The following NEO1 variants were observed in gnomAD, a reference collection of about 807,000 sequenced individuals.
The protein encoded by NEO1 is neogenin 1, also known as neogenin.
Under a neutral mutation model 159.7 loss-of-function variants are expected in NEO1, and 63 were observed. That is an observed-to-expected ratio of 0.39 (90% CI 0.32 to 0.49). The LOEUF (loss-of-function observed/expected upper bound fraction) is 0.49. Among genes scored for constraint, NEO1 ranks in the 20% least tolerant of loss-of-function variants. The pLI, the probability that NEO1 is intolerant of heterozygous loss-of-function variation, is 0.85. For synonymous variants in NEO1, 633 were observed against 662.0 expected (o/e 0.96, Z 0.67); for missense variants, 1,615 against 1,831.0 (o/e 0.88, Z 2.15).
intron 2 of NEO1, among the ~76,000 whole-genome samples, chr15:73,117,415 A>T (rs1018884478): frequency 2.0e-5 from 3 of 152,168 alleles, no homozygotes; most frequent in Admixed American, 6.5e-5. Context: ...AAAATTAGGG[A>T]TCTTGAAGAG....
At chr15:73,077,748 A>G (rs1330165505) in intron 1 of NEO1, among the ~76,000 whole-genome samples, 5 of 152,094 alleles carry the variant, frequency 3.3e-5, no homozygotes, top group Admixed American at 1.3e-4. Context: ...ATGGCATATC[A>G]TACGTAAAAA....
At position 73,236,403 on chromosome 15, in the gene NEO1, G is replaced by C. The variant is rs2039174406; in HGVS notation, c.1348G>C (p.Val450Leu). 1 of 1,614,082 alleles carries C rather than the reference G, an allele frequency of 6.2e-7. No homozygotes were observed. Among genetic ancestry groups the C allele is most frequent in the Non-Finnish European group, 8.5e-7 (1 of 1,180,026 alleles). ...SAPRDVVASLVSTRFIKLTWR... is the reference protein window; with the variant it reads ...SAPRDVVASLLSTRFIKLTWR... ...TCCTCGGGATGTCGTGGCCTCCCTG[G>C]TCTCTACCCGCTTCATCAAATTGAC... is the stretch of plus-strand genomic sequence containing the variant. Residue 450 changes from valine to leucine, a missense_variant, in exon 8 of 29, where the codon GTC becomes CTC. Transcript: ENST00000261908.
At chr15:73,106,720 G>A (rs548107656) in intron 1 of NEO1, among the ~76,000 whole-genome samples, 3 of 152,256 alleles carry the variant, frequency 2.0e-5, no homozygotes, top group African/African-American at 7.2e-5. Flanking sequence ...CATTCTCTTT[G>A]TGGTGTAGTT....
chr15:73,139,251 T>G (rs2032137131), intron 5 of NEO1, among the ~76,000 whole-genome samples: 3 of 152,126 alleles, frequency 2.0e-5, no homozygotes, highest in Admixed American at 2.0e-4. Context: ...CTTATTGACG[T>G]TGGTCTTTGC....
intron 28 of NEO1, 106 bp from the exon 29 acceptor site, chr15:73,302,507 G>A: frequency 2.0e-6 from 2 of 978,234 alleles, no homozygotes; most frequent in Non-Finnish European, 3.1e-6. Context: ...CCAGTTTTCT[G>A]GGGCCATTTG....
chr15:73,255,767 A>T (rs553726332), intron 13 of NEO1: 1 of 152,346 alleles, frequency 6.6e-6, no homozygotes, highest in East Asian at 1.9e-4. Context: ...GAGTAAACTC[A>T]CATGGGCTGG....
At chr15:73,186,675 A>G (rs1348814490) in intron 7 of NEO1, among the ~76,000 whole-genome samples, 1 of 152,062 alleles carries the variant, frequency 6.6e-6, no homozygotes, top group Non-Finnish European at 1.5e-5. Context: ...TTAAATAGTC[A>G]TATCAGTATA....
chr15:73,236,903 A>T (rs1184184754), intron 8 of NEO1, among the ~76,000 whole-genome samples: 2 of 152,160 alleles, frequency 1.3e-5, no homozygotes, highest in Non-Finnish European at 2.9e-5. Flanking sequence ...CCTTGATGGA[A>T]TAAGAGTAGT....
At chr15:73,234,765 G>A (rs181191841) in intron 7 of NEO1, among the ~76,000 whole-genome samples, 1 of 152,258 alleles carries the variant, frequency 6.6e-6, no homozygotes, top group Non-Finnish European at 1.5e-5. Flanking sequence ...GAGAGAACAA[G>A]GCTCTCTTTT....
At chr15:73,186,587 T>C (rs911464423) in intron 7 of NEO1, among the ~76,000 whole-genome samples, 2 of 140,082 alleles carry the variant, frequency 1.4e-5, no homozygotes, top group East Asian at 2.2e-4. Flanking sequence ...TTTTTTCTTC[T>C]TTTTTTTTCA....
intron 18 of NEO1, 147 bp from the exon 19 acceptor site, chr15:73,272,308 A>C: frequency 1.7e-6 from 1 of 580,396 alleles, no homozygotes; most frequent in Non-Finnish European, 3.1e-6. Flanking sequence ...GGAACTTTTG[A>C]TAGACAAACT....
intron 1 of NEO1, among the ~76,000 whole-genome samples, chr15:73,056,742 TA>T (rs1334909246): frequency 6.6e-6 from 1 of 152,184 alleles, no homozygotes; most frequent in Non-Finnish European, 1.5e-5. Context: ...TCACATTACT[TA>T]GTTTCCAGAT....
intron 14 of NEO1, 127 bp from the exon 15 acceptor site, chr15:73,260,144 C>T (rs2040556293): frequency 6.1e-6 from 4 of 660,226 alleles, no homozygotes; most frequent in Non-Finnish European, 9.6e-6. Flanking sequence ...TTTTTGAACT[C>T]TTGGGCATAA....
chr15:73,276,331 A>G (rs1426157388), intron 21 of NEO1, among the ~76,000 whole-genome samples: 1 of 152,252 alleles, frequency 6.6e-6, no homozygotes, highest in East Asian at 1.9e-4. Flanking sequence ...AATTAGGTAC[A>G]TAATCCAATG....
intron 1 of NEO1, among the ~76,000 whole-genome samples, chr15:73,102,583 T>C (rs2070462129): frequency 1.3e-5 from 2 of 152,204 alleles, no homozygotes; most frequent in Non-Finnish European, 2.9e-5. Context: ...ATCTAATGAA[T>C]GGCTGTGTTT....
chr15:73,243,872 A>T (rs1282580127), intron 8 of NEO1, among the ~76,000 whole-genome samples: 1 of 152,144 alleles, frequency 6.6e-6, no homozygotes, highest in Admixed American at 6.5e-5. Flanking sequence ...TTTATTTCCA[A>T]TTTTAAAAGA....
intron 1 of NEO1, among the ~76,000 whole-genome samples, chr15:73,109,708 C>T (rs900358477): frequency 2.0e-5 from 3 of 152,066 alleles, no homozygotes; most frequent in Non-Finnish European, 2.9e-5. Context: ...AATTTTAGAT[C>T]TAGCTTTGAT....
intron 5 of NEO1, among the ~76,000 whole-genome samples, chr15:73,159,589 T>G (rs1299405252): frequency 6.6e-6 from 1 of 152,156 alleles, no homozygotes; most frequent in African/African-American, 2.4e-5. Flanking sequence ...TTGACTTCTC[T>G]TAAGTACAAA....
At chr15:73,071,716 A>T (rs1326515108) in intron 1 of NEO1, among the ~76,000 whole-genome samples, 1 of 152,068 alleles carries the variant, frequency 6.6e-6, no homozygotes, top group Non-Finnish European at 1.5e-5. Flanking sequence ...GGGTTTTGCC[A>T]TGTTGCCCAG....
Sources: allele counts gnomAD v4.1 joint callset (sites outside exome capture counted in the v4.1 genomes callset), GRCh38; gene constraint gnomAD v4.1.1; transcripts MANE v1.5; gene names NCBI Gene and HGNC (gene_info 2026-07-23, HGNC 2026-07-21).